Variants in BTNL9 observed in about 807,000 individuals in gnomAD.
The protein encoded by BTNL9 is butyrophilin like 9, also known as butyrophilin-like protein 9.
BTNL9 carries 45 observed loss-of-function variants against 45.8 expected under a neutral mutation model. That is an observed-to-expected ratio of 0.98 (90% CI 0.77 to 1.26). The LOEUF (loss-of-function observed/expected upper bound fraction) is 1.26. Among genes scored for constraint, BTNL9 ranks in the 50% most tolerant of loss-of-function variants. BTNL9 has a pLI of 0.00. For synonymous variants in BTNL9, 346 were observed against 330.8 expected (o/e 1.05, Z -0.50); for missense variants, 784 against 729.7 (o/e 1.07, Z -0.86).
At position 181,053,918 on chromosome 5, in the gene BTNL9, C is replaced by G. The variant is rs747725146; in HGVS notation, c.887-321C>G. 1.3e-6 allele frequency: 2 copies of G among 1,512,134 alleles called. No individual in the cohort carries two copies. Among genetic ancestry groups the G allele is most frequent in the Non-Finnish European group, 1.8e-6 (2 of 1,131,922 alleles). The allele number at this position is 1,512,134 out of a possible 1,614,324, so 93.7% of individuals were successfully genotyped here. A position where few individuals can be genotyped will look rare whatever the true frequency, so the allele number is the denominator to read the frequency against. On this transcript the variant is annotated intron_variant, in intron 6 of 10. Coordinates refer to ENST00000327705, the MANE Select transcript of BTNL9 (RefSeq NM_152547.5). This position sits in a 1 kb window ranked among gnomAD's most constrained non-coding sequence, Gnocchi z 6.5. ...GGCGGTCAGGCACCGAGAAAACAGC[C>G]CAGTTACGTGAGGCAGTGTCCGGGG... is the stretch of plus-strand genomic sequence containing the variant.
Position 181,055,852 on chromosome 5 carries a change from T to C in BTNL9, c.929-137T>C. On this transcript the variant is annotated intron_variant, in intron 8 of 10. Coordinates refer to ENST00000327705, the MANE Select transcript of BTNL9 (RefSeq NM_152547.5). The surrounding 1 kb of genome is among the most constrained non-coding windows in gnomAD (Gnocchi z 4.4). ...CTTCTTCTCATCTCCCAACCAGGTATGATGCCCAGGCAGGACCCCTGCTGG... is the reference window on the plus strand; with the variant it reads ...CTTCTTCTCATCTCCCAACCAGGTACGATGCCCAGGCAGGACCCCTGCTGG... 3.2e-6 allele frequency: 3 copies of C among 951,512 alleles called. No individual in the cohort carries two copies. Among genetic ancestry groups the C allele is most frequent in the Non-Finnish European group, 5.2e-6 (3 of 575,784 alleles). The allele number at this position is 951,512 out of a possible 1,614,324, so 58.9% of individuals were successfully genotyped here.
Position 181,059,937 on chromosome 5 carries a change from G to A in BTNL9, c.*75G>A, listed in dbSNP as rs1415838046. On this transcript the variant is annotated 3_prime_UTR_variant, in exon 11 of 11. Coordinates refer to ENST00000327705, the MANE Select transcript of BTNL9 (RefSeq NM_152547.5). ...GGCCAGCGCTTTGCTCTCCTGCTCC[G>A]TCTGAAGGGAGCAGGTGCACCAGCC... 2 of 1,314,022 alleles carry A rather than the reference G, an allele frequency of 1.5e-6. No individual in the cohort carries two copies. The highest frequency in any genetic ancestry group is 2.1e-4 in the Middle Eastern group (1 of 4,828). 81.4% of individuals were successfully genotyped at this position (1,314,022 alleles called of 1,614,324 possible).
chr5:181,051,390 A>G (rs1303091557), intron 4 of BTNL9, among the ~76,000 whole-genome samples: 3 of 152,234 alleles, frequency 2.0e-5, no homozygotes, highest in African/African-American at 7.2e-5. Context: ...CCTTTGATAT[A>G]GTCAGTCAGA....
Position 181,060,603 on chromosome 5 carries a change from A to T in BTNL9, c.*741A>T, listed in dbSNP as rs754225048. The stretch of plus-strand genomic sequence containing the variant: ...CTGATACTCAAATTTCTTTTTAAAA[A>T]GGAGAAACAGGAAGGTTTCTTTTGG... On this transcript the variant is annotated 3_prime_UTR_variant, in exon 11 of 11. Coordinates refer to ENST00000327705, the MANE Select transcript of BTNL9 (RefSeq NM_152547.5). 7.2e-5 allele frequency: 11 copies of T among 152,228 alleles called. No individual in the cohort carries two copies. The highest frequency in any genetic ancestry group is 1.3e-4 in the Non-Finnish European group (9 of 68,034). The allele number at this position is 152,228 out of a possible 1,614,324, so 9.4% of individuals were successfully genotyped here.
Position 181,060,013 on chromosome 5 carries a change from G to GT in BTNL9, c.*152dup. 1 of 691,912 alleles carries GT rather than the reference G, an allele frequency of 1.4e-6. No homozygotes were observed. The highest frequency in any genetic ancestry group is 2.0e-5 in the South Asian group (1 of 49,504). 42.9% of individuals were successfully genotyped at this position (691,912 alleles called of 1,614,324 possible). A position where few individuals can be genotyped will look rare whatever the true frequency, so the allele number is the denominator to read the frequency against. On this transcript the variant is annotated 3_prime_UTR_variant, in exon 11 of 11. Transcript: ENST00000327705. ...GAGGGACCTTTGCCTACGTAGATGTGTATGTGTAGTGCGATTTTCTTCAAG... is the reference window on the plus strand; with the variant it reads ...GAGGGACCTTTGCCTACGTAGATGTGTTATGTGTAGTGCGATTTTCTTCAAG...
At chr5:181,052,652 G>GC (rs1317563207) in intron 4 of BTNL9, 2 of 152,226 alleles carry the variant, frequency 1.3e-5, no homozygotes, top group East Asian at 3.8e-4. Context: ...TGTCGGCGCT[G>GC]CCCCCGGCCA....
chr5:181,042,026 A>G lies in BTNL9; in HGVS notation c.-24+1594A>G, dbSNP rs1329702273. Among the ~76,000 whole-genome samples, 2 of 152,242 alleles carry G rather than the reference A, an allele frequency of 1.3e-5. No individual in the cohort carries two copies. Among genetic ancestry groups the G allele is most frequent in the African/African-American group, 4.8e-5 (2 of 41,460 alleles). ...TCGACGGAGGGACCGGAAATCAGAA[A>G]AACATCAGGGTTGTTTAGGAATTGC... On this transcript the variant is annotated intron_variant, in intron 1 of 10. Coordinates refer to ENST00000327705, the MANE Select transcript of BTNL9 (RefSeq NM_152547.5). The surrounding 1 kb of genome is among the most constrained non-coding windows in gnomAD (Gnocchi z 4.5).
chr5:181,041,033 T>C (rs1760752294), intron 1 of BTNL9, among the ~76,000 whole-genome samples: 1 of 152,236 alleles, frequency 6.6e-6, no homozygotes, highest in South Asian at 2.1e-4. Context: ...TCCGCAGACA[T>C]ATGCAGAGCA....
intron 2 of BTNL9, 80 bp downstream of exon 2, chr5:181,045,678 C>A: frequency 1.7e-6 from 2 of 1,155,696 alleles, no homozygotes; most frequent in Admixed American, 1.7e-5. Flanking sequence ...ACGATCTTAG[C>A]ACAGTACCAG....
At chr5:181,047,723 T>C (rs1247493796) in intron 2 of BTNL9, among the ~76,000 whole-genome samples, 1 of 152,250 alleles carries the variant, frequency 6.6e-6, no homozygotes, top group East Asian at 1.9e-4. Flanking sequence ...GGTTGTGATG[T>C]CACCTGTGTA....
Position 181,059,261 on chromosome 5 carries a change from C to T in BTNL9, c.1007C>T (p.Ser336Leu), listed in dbSNP as rs542088209. ...GTGGATGTGACGCTGGACCCGGCCT[C>T]GGCGCACCCCAGCCTGGAGGTGTCG... ...YAVDVTLDPA[S>L]AHPSLEVSED... Residue 336 changes from serine to leucine, a missense_variant, in exon 11 of 11, where the codon TCG (serine) becomes TTG (leucine). Physicochemically the swap from Ser to Leu is moderately radical, Grantham distance 145. Transcript: ENST00000327705. 6.4e-6 allele frequency: 10 copies of T among 1,563,468 alleles called. No individual in the cohort carries two copies. The highest frequency in any genetic ancestry group is 5.5e-5 in the African/African-American group (4 of 72,810).
Position 181,055,424 on chromosome 5 carries a change from T to C in BTNL9, c.908-9T>C. The stretch of plus-strand genomic sequence containing the variant: ...AGGCTGAAGTTTTCTTTGTGTGTTC[T>C]GCTTGCAGAAAAGCTTCAGACAGAG... On this transcript the variant is annotated splice_polypyrimidine_tract_variant and intron_variant, in intron 7 of 10. Coordinates refer to ENST00000327705, the MANE Select transcript of BTNL9 (RefSeq NM_152547.5). This position sits in a 1 kb window ranked among gnomAD's most constrained non-coding sequence, Gnocchi z 4.4. 1 of 1,614,188 alleles carries C rather than the reference T, an allele frequency of 6.2e-7. No homozygotes were observed. The highest frequency in any genetic ancestry group is 8.5e-7 in the Non-Finnish European group (1 of 1,180,038).
chr5:181,047,803 G>A, intron 2 of BTNL9, 124 bp from the exon 3 acceptor site: 7 of 904,610 alleles, frequency 7.7e-6, no homozygotes, highest in South Asian at 3.5e-5. Context: ...CAGTTGTCCT[G>A]TAGAGTATCT....
intron 1 of BTNL9, among the ~76,000 whole-genome samples, chr5:181,043,940 T>C (rs544489399): frequency 6.6e-6 from 1 of 152,338 alleles, no homozygotes; most frequent in Non-Finnish European, 1.5e-5. Flanking sequence ...TGAATCGTGT[T>C]CCAATAACTG....
At position 181,059,812 on chromosome 5, in the gene BTNL9, AC is replaced by A; in HGVS notation, c.1560del (p.Trp521GlyfsTer69). 5.0e-6 allele frequency: 8 copies of A among 1,599,090 alleles called. No individual in the cohort carries two copies. Among genetic ancestry groups the A allele is most frequent in the Non-Finnish European group, 5.1e-6 (6 of 1,177,912 alleles). ...TGVPEENDSDTWLQPYEPADP... is the reference protein window; with the variant it reads ...TGVPEENDSDXWLQPYEPADP... ...CGTCCCCGAAGAGAACGACAGTGAC[AC>A]CTGGCTACAGCCCTATGAGCCCGCG... On this transcript the variant is annotated frameshift_variant, in exon 11 of 11. Transcript: ENST00000327705. LOFTEE classifies it low-confidence loss of function (END_TRUNC).
chr5:181,055,458 G>C lies in BTNL9; in HGVS notation c.928+5G>C. On this transcript the variant is annotated splice_donor_5th_base_variant and intron_variant, in intron 8 of 10. Coordinates refer to ENST00000327705, the MANE Select transcript of BTNL9 (RefSeq NM_152547.5). The surrounding 1 kb of genome is among the most constrained non-coding windows in gnomAD (Gnocchi z 4.4). ...AAAAGCTTCAGACAGAGCTTGGTAAGTGACCCCTCTTAGAACTATTTCTCC... is the reference window on the plus strand; with the variant it reads ...AAAAGCTTCAGACAGAGCTTGGTAACTGACCCCTCTTAGAACTATTTCTCC... The C allele has an allele frequency of 6.2e-7, 1 of 1,614,166 alleles. No individual in the cohort carries two copies. Among genetic ancestry groups the C allele is most frequent in the Non-Finnish European group, 8.5e-7 (1 of 1,180,038 alleles).
rs1761450802 is a variant in BTNL9, at chr5:181,050,070, T to C, written c.455-18T>C. 3.7e-6 allele frequency: 6 copies of C among 1,605,984 alleles called. No individual in the cohort carries two copies. The highest frequency in any genetic ancestry group is 5.1e-6 in the Non-Finnish European group (6 of 1,175,688). On this transcript the variant is annotated intron_variant, in intron 3 of 10. Transcript: ENST00000327705. The surrounding 1 kb of genome is among the most constrained non-coding windows in gnomAD (Gnocchi z 4.9). ...TCAGAAGAAGCCTGACCTTTCCCAC[T>C]CCTCCTGCCTCCACCAGGGCTGGGC...
rs538973937 is a variant in BTNL9, at chr5:181,061,411, A to T, written c.*1549A>T. 2.6e-5 allele frequency: 4 copies of T among 152,212 alleles called. No individual in the cohort carries two copies. The highest frequency in any genetic ancestry group is 4.8e-5 in the African/African-American group (2 of 41,454). 9.4% of individuals were successfully genotyped at this position (152,212 alleles called of 1,614,324 possible). ...CAAAAAACTAAGTGATTATCTTTGGATGGGAAAATGTTTGGTAATTGCATT... is the reference window on the plus strand; with the variant it reads ...CAAAAAACTAAGTGATTATCTTTGGTTGGGAAAATGTTTGGTAATTGCATT... On this transcript the variant is annotated 3_prime_UTR_variant, in exon 11 of 11. Transcript: ENST00000327705.
intron 1 of BTNL9, among the ~76,000 whole-genome samples, chr5:181,043,965 G>A (rs1282390634): frequency 1.3e-5 from 2 of 152,186 alleles, no homozygotes; most frequent in Admixed American, 6.5e-5. Flanking sequence ...GTGTCAACAC[G>A]GCCCCGCTTC....
Sources: gnomAD v4.1 joint callset for allele counts (sites outside exome capture counted in the v4.1 genomes callset) on GRCh38, gnomAD v4.1.1 for gene constraint, Gnocchi (gnomAD v3.1) non-coding constraint, MANE v1.5 for transcripts, NCBI Gene and HGNC (gene_info 2026-07-23, HGNC 2026-07-21) for gene names.